Variants in GRM1 observed in about 807,000 individuals in gnomAD.
The protein encoded by GRM1 is glutamate metabotropic receptor 1.
In GRM1, 33 loss-of-function variants were observed where a neutral mutation model predicts 90.9. That is an observed-to-expected ratio of 0.36 (90% CI 0.28 to 0.49). The LOEUF (loss-of-function observed/expected upper bound fraction) is 0.49, where lower values mean the gene tolerates loss of function less well. Ranked by LOEUF, GRM1 falls within the 20% of genes least tolerant of loss-of-function variation. GRM1 has a pLI of 0.99. For synonymous variants in GRM1, 700 were observed against 613.2 expected (o/e 1.14, Z -2.09); for missense variants, 1,190 against 1,534.3 (o/e 0.78, Z 3.75).
intron 3 of GRM1, among the ~76,000 whole-genome samples, chr6:146,344,567 C>T (rs890571172): frequency 5.9e-5 from 9 of 152,274 alleles, no homozygotes; most frequent in African/African-American, 1.9e-4. Context: ...TAGATATTGA[C>T]TAAAGTTTCA....
chr6:146,352,063 A>T (rs1785429401), intron 3 of GRM1, among the ~76,000 whole-genome samples, 187 bp from the exon 4 acceptor site: 1 of 152,212 alleles, frequency 6.6e-6, no homozygotes. Context: ...AACTGAATAA[A>T]TCATTTGCAG....
chr6:146,329,953 G>A (rs1199772607), intron 3 of GRM1, among the ~76,000 whole-genome samples: 8 of 152,206 alleles, frequency 5.3e-5, no homozygotes, highest in Non-Finnish European at 1.0e-4. Context: ...ACTGTTGTAT[G>A]TCGGGGACTG....
intron 2 of GRM1, among the ~76,000 whole-genome samples, chr6:146,303,308 A>G (rs1381985048): frequency 6.6e-6 from 1 of 152,066 alleles, no homozygotes; most frequent in African/African-American, 2.4e-5. Context: ...TCAGGGCACC[A>G]CTCTGTGCAG....
At chr6:146,412,166 A>G (rs553204342) in intron 7 of GRM1, among the ~76,000 whole-genome samples, 14 of 152,310 alleles carry the variant, frequency 9.2e-5, no homozygotes, top group African/African-American at 2.9e-4. Context: ...TCAACGCTGT[A>G]TGTTATTTCC....
Position 146,295,422 on chromosome 6 carries a change from G to A in GRM1, c.951-9189G>A, listed in dbSNP as rs756913199. On this transcript the variant is annotated intron_variant, in intron 2 of 7. Coordinates refer to ENST00000282753, the MANE Select transcript of GRM1 (RefSeq NM_001278064.2). ...TTTTTTTGTAGTTTTTAGTAGAGAC[G>A]GGGTTTCATCATGTTGGCCAGGCTG... Among the ~76,000 whole-genome samples the A allele has an allele frequency of 5.3e-5, 8 of 150,904 alleles. No individual in the cohort carries two copies. The South Asian group carries it at 6.3e-4, about 12-fold the overall frequency.
intron 7 of GRM1, among the ~76,000 whole-genome samples, chr6:146,429,710 C>T (rs2114684812): frequency 6.6e-6 from 1 of 152,292 alleles, no homozygotes; most frequent in South Asian, 2.1e-4. Context: ...GTCCCGAAGT[C>T]TGTGCCTTTT....
chr6:146,396,391 C>T (rs1776936159), intron 6 of GRM1, among the ~76,000 whole-genome samples: 1 of 152,122 alleles, frequency 6.6e-6, no homozygotes, highest in African/African-American at 2.4e-5. Context: ...AAGTTGACAA[C>T]ACGGGAAGTA....
chr6:146,319,645 C>T (rs1046846232), intron 3 of GRM1, among the ~76,000 whole-genome samples: 3 of 151,908 alleles, frequency 2.0e-5, no homozygotes, highest in Non-Finnish European at 4.4e-5. Flanking sequence ...TTCCTTGAGC[C>T]GTGGTTTGTA....
chr6:146,148,082 T>A (rs138071051), intron 1 of GRM1, among the ~76,000 whole-genome samples: 131 of 152,308 alleles, frequency 8.6e-4, no homozygotes, highest in African/African-American at 3.1e-3. Flanking sequence ...ACATTAGTAT[T>A]TCTTATTTCC....
At chr6:146,143,801 G>A (rs1031931908) in intron 1 of GRM1, among the ~76,000 whole-genome samples, 3 of 152,162 alleles carry the variant, frequency 2.0e-5, no homozygotes, top group Admixed American at 1.3e-4. Flanking sequence ...GATTATGAAA[G>A]AGTGCTGATT....
rs563199330 is a variant in GRM1 at position 146,153,419 on chromosome 6, T to G, written c.701-5929T>G. Reference sequence around the variant, plus strand: ...ACAAATACAATTTTTAAAGTAAAGATTGATAAAAGGACAAGTTCTTTCTAC... The same window carrying G: ...ACAAATACAATTTTTAAAGTAAAGAGTGATAAAAGGACAAGTTCTTTCTAC... On this transcript the variant is annotated intron_variant, in intron 1 of 7. Transcript: ENST00000282753. Among the ~76,000 whole-genome samples the G allele has an allele frequency of 3.3e-5, 5 of 152,308 alleles. No homozygotes were observed. In the South Asian group the frequency reaches 1.0e-3, roughly 32 times the overall value.
At chr6:146,208,744 A>G (rs910767316) in intron 2 of GRM1, among the ~76,000 whole-genome samples, 2 of 152,158 alleles carry the variant, frequency 1.3e-5, no homozygotes, top group African/African-American at 4.8e-5. Context: ...AAGAAAGATA[A>G]ATTACTGGCA....
intron 7 of GRM1, among the ~76,000 whole-genome samples, chr6:146,421,479 A>G: frequency 6.6e-6 from 1 of 152,174 alleles, no homozygotes; most frequent in Non-Finnish European, 1.5e-5. Flanking sequence ...ATGAATATAC[A>G]TATTCAACAT....
intron 1 of GRM1, among the ~76,000 whole-genome samples, chr6:146,134,800 A>G (rs1031146363): frequency 2.6e-5 from 4 of 152,058 alleles, no homozygotes; most frequent in South Asian, 2.1e-4. Context: ...GTGTGGTGGC[A>G]GGCGCCTGTA....
At chr6:146,204,568 A>G (rs1173589507) in intron 2 of GRM1, among the ~76,000 whole-genome samples, 3 of 152,188 alleles carry the variant, frequency 2.0e-5, no homozygotes, top group Non-Finnish European at 2.9e-5. Context: ...TGGGCCTGGT[A>G]TTAGAATATG....
intron 1 of GRM1, among the ~76,000 whole-genome samples, chr6:146,038,277 G>T (rs1208714093): frequency 6.6e-6 from 1 of 151,924 alleles, no homozygotes; most frequent in Non-Finnish European, 1.5e-5. Context: ...GTGGTATGGA[G>T]TGGATAAGGA....
At chr6:146,164,125 T>C (rs1777829853) in intron 2 of GRM1, among the ~76,000 whole-genome samples, 1 of 152,126 alleles carries the variant, frequency 6.6e-6, no homozygotes, top group Non-Finnish European at 1.5e-5. Context: ...ATAATTTATG[T>C]GTATGAGCAC....
intron 6 of GRM1, among the ~76,000 whole-genome samples, chr6:146,391,057 A>G (rs1583430071): frequency 6.6e-6 from 1 of 152,236 alleles, no homozygotes; most frequent in Non-Finnish European, 1.5e-5. Flanking sequence ...ATCATGATGT[A>G]GTATTGCAAA....
intron 3 of GRM1, among the ~76,000 whole-genome samples, chr6:146,325,489 A>T (rs76166269): frequency 0.053 from 8,123 of 152,278 alleles, 712 homozygotes; most frequent in African/African-American, 0.18. Flanking sequence ...TATTTCATCC[A>T]TTTGAAATGG....
Sources: gnomAD v4.1 joint callset for allele counts (sites outside exome capture counted in the v4.1 genomes callset) on GRCh38, gnomAD v4.1.1 for gene constraint, MANE v1.5 for transcripts, NCBI Gene and HGNC (gene_info 2026-07-23, HGNC 2026-07-21) for gene names.